KCNQ1: variants seen among roughly 807,000 people sequenced by gnomAD.
KCNQ1 encodes potassium voltage-gated channel subfamily Q member 1.
In KCNQ1, 49 loss-of-function variants were observed where a neutral mutation model predicts 72.4. That is an observed-to-expected ratio of 0.68 (90% CI 0.54 to 0.86). The LOEUF is 0.86. KCNQ1 is among the 40% of genes least tolerant of loss of function. KCNQ1 has a pLI of 0.00. For synonymous variants in KCNQ1, 450 were observed against 412.6 expected (o/e 1.09, Z -1.10); for missense variants, 790 against 945.1 (o/e 0.84, Z 2.15).
intron 15 of KCNQ1, among the ~76,000 whole-genome samples, chr11:2,819,404 C>T (rs1453653732): frequency 6.6e-6 from 1 of 152,208 alleles, no homozygotes; most frequent in Non-Finnish European, 1.5e-5. Flanking sequence ...CGTGTCAGCC[C>T]ATACATGAGG....
At chr11:2,576,316 C>G (rs1428045781) in intron 6 of KCNQ1, among the ~76,000 whole-genome samples, 2 of 152,222 alleles carry the variant, frequency 1.3e-5, no homozygotes, top group Non-Finnish European at 2.9e-5. Flanking sequence ...GGATACGCAA[C>G]TTGGATGTGA....
At chr11:2,485,906 G>T (rs7105460) in intron 1 of KCNQ1, among the ~76,000 whole-genome samples, 17,450 of 152,176 alleles carry the variant, frequency 0.11, 1,355 homozygotes, top group East Asian at 0.24. Flanking sequence ...ATATTCCACT[G>T]TATGGATAGA....
At chr11:2,729,049 C>T (rs887479315) in intron 11 of KCNQ1, among the ~76,000 whole-genome samples, 3 of 152,212 alleles carry the variant, frequency 2.0e-5, no homozygotes, top group African/African-American at 4.8e-5. Context: ...AACAATAGCC[C>T]GTTTATGTAG....
Position 2,579,743 on chromosome 11 carries a change from C to T in KCNQ1, c.922-3692C>T, listed in dbSNP as rs980596849. On this transcript the variant is annotated intron_variant, in intron 6 of 15. Transcript: ENST00000155840. This position sits in a 1 kb window ranked among gnomAD's most constrained non-coding sequence, Gnocchi z 6.0. ...TTCTGGGGCTGGCCTTTCTCTCCCT[C>T]TCGGGGCACCCCTGCCTTCTACTGA... is the stretch of plus-strand genomic sequence containing the variant. 1.1e-4 allele frequency among the ~76,000 whole-genome samples: 17 copies of T among 152,156 alleles called. No individual in the cohort carries two copies. The highest frequency in any genetic ancestry group is 4.1e-4 in the African/African-American group (17 of 41,444).
At chr11:2,499,201 G>GT (rs1307536314) in intron 1 of KCNQ1, among the ~76,000 whole-genome samples, 2 of 152,038 alleles carry the variant, frequency 1.3e-5, no homozygotes, top group Non-Finnish European at 2.9e-5. Context: ...TTTTGATTTT[G>GT]TTTTTTTGCT....
chr11:2,625,549 T>C, intron 10 of KCNQ1: 1 of 397,952 alleles, frequency 2.5e-6, no homozygotes, highest in Non-Finnish European at 4.4e-6. Context: ...ATATCTTCTT[T>C]GGAGATACGT....
At chr11:2,487,110 G>A (rs1411560615) in intron 1 of KCNQ1, among the ~76,000 whole-genome samples, 1 of 152,138 alleles carries the variant, frequency 6.6e-6, no homozygotes, top group Non-Finnish European at 1.5e-5. Flanking sequence ...AGTTTTCCCA[G>A]CACCATTTGT....
chr11:2,835,175 T>C (rs1182185688), intron 15 of KCNQ1, among the ~76,000 whole-genome samples: 1 of 152,138 alleles, frequency 6.6e-6, no homozygotes, highest in East Asian at 1.9e-4. Context: ...CAGGCCTGGC[T>C]TGAGGTGGGA....
rs1410298774 is a variant in KCNQ1 at position 2,704,553 on chromosome 11, AAG to A, written c.1514+42473_1514+42474del. Among the ~76,000 whole-genome samples, 6 of 152,182 alleles carry A rather than the reference AAG, an allele frequency of 3.9e-5. No individual in the cohort carries two copies. The highest frequency in any genetic ancestry group is 8.8e-5 in the Non-Finnish European group (6 of 68,028). On this transcript the variant is annotated intron_variant, in intron 11 of 15. Coordinates refer to ENST00000155840, the MANE Select transcript of KCNQ1 (RefSeq NM_000218.3). The surrounding 1 kb of genome is among the most constrained non-coding windows in gnomAD (Gnocchi z 4.3). ...GGGGAGTCTCTAGGAGGTTTTGGGC[AAG>A]GCAGTGCCAAGGATCAGATCTCCCT...
intron 15 of KCNQ1, among the ~76,000 whole-genome samples, chr11:2,843,656 G>C (rs1848257625): frequency 1.3e-5 from 2 of 152,230 alleles, no homozygotes; most frequent in East Asian, 3.8e-4. Context: ...AGGCCGGGCA[G>C]GTTCTGCAAA....
chr11:2,814,748 C>A (rs1209810879), intron 15 of KCNQ1, among the ~76,000 whole-genome samples: 1 of 152,148 alleles, frequency 6.6e-6, no homozygotes, highest in Non-Finnish European at 1.5e-5. Context: ...CTTAGAAATA[C>A]ATGTGCCTCC....
chr11:2,804,611 A>G (rs548389006), intron 15 of KCNQ1, among the ~76,000 whole-genome samples: 1 of 152,328 alleles, frequency 6.6e-6, no homozygotes, highest in African/African-American at 2.4e-5. Flanking sequence ...AGAAGCATAA[A>G]GAGGTGAAAA....
At position 2,602,523 on chromosome 11, in the gene KCNQ1, C is replaced by A. The variant is rs1396787439; in HGVS notation, c.1393+13669C>A. Among the ~76,000 whole-genome samples the A allele has an allele frequency of 6.6e-6, 1 of 152,222 alleles. No individual in the cohort carries two copies. ...ATTTTCCAGAGTGACTGCACCATTT[C>A]ACATTCCCCATTCCTGCCAGCAAGG... On this transcript the variant is annotated intron_variant, in intron 10 of 15. Coordinates refer to ENST00000155840, the MANE Select transcript of KCNQ1 (RefSeq NM_000218.3). This position sits in a 1 kb window ranked among gnomAD's most constrained non-coding sequence, Gnocchi z 4.8.
In KCNQ1 at chr11:2,464,375, A is replaced by G. The variant is rs758283431; in HGVS notation, c.386+18891A>G. ...TAAAAGATCATTTAAATTAAAATATATAAGTGAGGAGAGGCTGGTAAGAGG... is the reference window on the plus strand; with the variant it reads ...TAAAAGATCATTTAAATTAAAATATGTAAGTGAGGAGAGGCTGGTAAGAGG... On this transcript the variant is annotated intron_variant, in intron 1 of 15. Coordinates refer to ENST00000155840, the MANE Select transcript of KCNQ1 (RefSeq NM_000218.3). The surrounding 1 kb of genome is among the most constrained non-coding windows in gnomAD (Gnocchi z 5.0). 1.3e-5 allele frequency among the ~76,000 whole-genome samples: 2 copies of G among 152,354 alleles called. No individual in the cohort carries two copies. Among genetic ancestry groups the G allele is most frequent in the African/African-American group, 2.4e-5 (1 of 41,582 alleles).
At chr11:2,461,611 C>G (rs773345771) in intron 1 of KCNQ1, 8 of 1,363,080 alleles carry the variant, frequency 5.9e-6, no homozygotes, top group East Asian at 4.5e-5. Flanking sequence ...CTGCTCTCAC[C>G]CACAACTCCA....
chr11:2,563,585 C>T lies in KCNQ1; in HGVS notation c.478-7043C>T, dbSNP rs778507855. On this transcript the variant is annotated intron_variant, in intron 2 of 15. Coordinates refer to ENST00000155840, the MANE Select transcript of KCNQ1 (RefSeq NM_000218.3). The surrounding 1 kb of genome is among the most constrained non-coding windows in gnomAD (Gnocchi z 7.4). ...GGTTGAGGGTCCCAGGGTCTGTCTG[C>T]CTAATGACAAGATTTCAGTACCAAT... 2.4e-4 allele frequency among the ~76,000 whole-genome samples: 36 copies of T among 152,344 alleles called. No homozygotes were observed. Among genetic ancestry groups the T allele is most frequent in the Non-Finnish European group, 4.0e-4 (27 of 68,026 alleles).
At chr11:2,637,059 A>G (rs1849482518) in intron 10 of KCNQ1, 2 of 151,990 alleles carry the variant, frequency 1.3e-5, no homozygotes, top group Non-Finnish European at 1.5e-5. Context: ...TATTGCATCT[A>G]TTTGATTCTT....
In KCNQ1 at chr11:2,562,733, G is replaced by A. The variant is rs1012030739; in HGVS notation, c.478-7895G>A. Among the ~76,000 whole-genome samples the A allele has an allele frequency of 3.9e-5, 6 of 152,162 alleles. No homozygotes were observed. Among genetic ancestry groups the A allele is most frequent in the Non-Finnish European group, 5.9e-5 (4 of 68,030 alleles). ...CTTTTCAAGGGTGGGTGGATTCCTG[G>A]CTCCAGTGGAAGGTCCCCAGGCCTA... On this transcript the variant is annotated intron_variant, in intron 2 of 15. Transcript: ENST00000155840. This position sits in a 1 kb window ranked among gnomAD's most constrained non-coding sequence, Gnocchi z 7.5.
At chr11:2,514,978 C>T (rs774785103) in intron 1 of KCNQ1, among the ~76,000 whole-genome samples, 4 of 152,210 alleles carry the variant, frequency 2.6e-5, no homozygotes, top group South Asian at 2.1e-4. Context: ...GCCCCCTTCC[C>T]GAGTGGAGGT....
Sources: gnomAD v4.1 joint callset for allele counts (sites outside exome capture counted in the v4.1 genomes callset) on GRCh38, gnomAD v4.1.1 for gene constraint, Gnocchi (gnomAD v3.1) non-coding constraint, MANE v1.5 for transcripts, NCBI Gene and HGNC (gene_info 2026-07-23, HGNC 2026-07-21) for gene names.